CSMD1: variants seen among roughly 807,000 people sequenced by gnomAD.
CSMD1 encodes CUB and sushi domain-containing protein 1.
A neutral mutation model predicts 417.5 loss-of-function variants in CSMD1; 213 were observed. The observed-to-expected ratio is 0.51, with a 90% CI of 0.46 to 0.57. CSMD1 has a LOEUF of 0.57. Ranked by LOEUF, CSMD1 falls within the 20% of genes least tolerant of loss-of-function variation. The pLI is 0.00. For missense variants in CSMD1, 6,923 were observed against 4,529.7 expected (o/e 1.53, Z -15.17); for synonymous variants, 2,862 against 1,736.8 (o/e 1.65, Z -16.11).
intron 10 of CSMD1, among the ~76,000 whole-genome samples, chr8:3,504,383 T>A (rs1332121276): frequency 6.6e-6 from 1 of 152,196 alleles, no homozygotes; most frequent in African/African-American, 2.4e-5. Flanking sequence ...AAAATGAGAA[T>A]GATGCCGATT....
At chr8:3,297,529 G>A (rs552682553) in intron 25 of CSMD1, among the ~76,000 whole-genome samples, 51 of 152,194 alleles carry the variant, frequency 3.4e-4, no homozygotes, top group African/African-American at 7.7e-4. Context: ...TAGTTGTCTC[G>A]TTAATTACTA....
At chr8:4,060,639 G>T (rs182274366) in intron 3 of CSMD1, among the ~76,000 whole-genome samples, 6 of 152,290 alleles carry the variant, frequency 3.9e-5, no homozygotes, top group Admixed American at 2.0e-4. Flanking sequence ...ACTGGAGGAG[G>T]ATCTGCAAAG....
chr8:4,992,496 G>C (rs1396295326), intron 1 of CSMD1, among the ~76,000 whole-genome samples: 6 of 152,206 alleles, frequency 3.9e-5, no homozygotes, highest in Non-Finnish European at 8.8e-5. Context: ...AGGGCGGGAA[G>C]TTTTGCGGAG....
At chr8:4,592,946 G>C (rs1307999463) in intron 2 of CSMD1, among the ~76,000 whole-genome samples, 1 of 152,134 alleles carries the variant, frequency 6.6e-6, no homozygotes, top group African/African-American at 2.4e-5. Flanking sequence ...TGTGAGGTTT[G>C]CTGTAGTTTT....
intron 2 of CSMD1, among the ~76,000 whole-genome samples, chr8:4,634,627 G>C (rs1480665711): frequency 2.0e-5 from 3 of 152,140 alleles, no homozygotes; most frequent in Non-Finnish European, 2.9e-5. Flanking sequence ...TTGAATTCTA[G>C]AGCTGCCTTA....
chr8:4,408,638 C>G (rs939012450), intron 3 of CSMD1, among the ~76,000 whole-genome samples: 11 of 152,122 alleles, frequency 7.2e-5, no homozygotes, highest in Non-Finnish European at 1.3e-4. Flanking sequence ...CTATATGACA[C>G]CATTTCAAGT....
intron 3 of CSMD1, among the ~76,000 whole-genome samples, chr8:4,375,563 T>C (rs1802680333): frequency 6.6e-6 from 1 of 152,080 alleles, no homozygotes; most frequent in Non-Finnish European, 1.5e-5. Context: ...TTACTAACAT[T>C]AGCATTTCAA....
At chr8:4,316,814 A>G (rs551573154) in intron 3 of CSMD1, among the ~76,000 whole-genome samples, 8 of 152,270 alleles carry the variant, frequency 5.3e-5, no homozygotes, top group Admixed American at 3.9e-4. Context: ...CCTCAAAGTC[A>G]GCACTCGGTA....
At chr8:3,341,757 C>T (rs140169894) in intron 23 of CSMD1, among the ~76,000 whole-genome samples, 50 of 152,234 alleles carry the variant, frequency 3.3e-4, no homozygotes, top group African/African-American at 1.1e-3. Flanking sequence ...TGGAACTTCC[C>T]CGTAATTAGA....
intron 3 of CSMD1, among the ~76,000 whole-genome samples, chr8:4,050,370 G>T (rs566448219): frequency 6.6e-6 from 1 of 152,104 alleles, no homozygotes; most frequent in Admixed American, 6.5e-5. Context: ...CAAGAGCAGA[G>T]AATCTACAAA....
rs749133053 is a variant in CSMD1, at chr8:3,018,621, G to C, written c.7885C>G (p.Pro2629Ala). The part of the protein sequence containing the change: ...VISCGSLSFP[P>A]NGNKIGTLTV... ...AACGTTCCAATCTTGTTGCCATTTG[G>C]GGGAAAGGAAAGGCTTCCACACGAG... Residue 2629 changes from proline to alanine, a missense_variant, in exon 52 of 70, where the codon CCA (proline) becomes GCA (alanine). Transcript: ENST00000635120. 3 of 1,612,090 alleles carry C rather than the reference G, an allele frequency of 1.9e-6. No homozygotes were observed. Among genetic ancestry groups the C allele is most frequent in the African/African-American group, 1.3e-5 (1 of 74,720 alleles).
intron 2 of CSMD1, among the ~76,000 whole-genome samples, chr8:4,437,870 G>A (rs1034139002): frequency 2.0e-5 from 3 of 152,146 alleles, no homozygotes; most frequent in Non-Finnish European, 2.9e-5. Context: ...TGCCTCACTG[G>A]TGTAGAATTC....
chr8:3,720,131 T>A (rs187272481), intron 6 of CSMD1, among the ~76,000 whole-genome samples: 1 of 152,200 alleles, frequency 6.6e-6, no homozygotes, highest in Non-Finnish European at 1.5e-5. Context: ...TGCAACTCTT[T>A]ATTCAGCTTT....
At chr8:4,923,315 C>T (rs887942961) in intron 1 of CSMD1, among the ~76,000 whole-genome samples, 5 of 152,132 alleles carry the variant, frequency 3.3e-5, no homozygotes, top group Admixed American at 1.3e-4. Context: ...TTGATGCTTT[C>T]GTATTGGTTA....
chr8:4,667,426 C>A (rs1166652417), intron 1 of CSMD1, among the ~76,000 whole-genome samples: 2 of 149,808 alleles, frequency 1.3e-5, no homozygotes, highest in South Asian at 4.2e-4. Flanking sequence ...GCATTGAATC[C>A]AGAGAACAAT....
chr8:4,234,902 T>C (rs1267323918), intron 3 of CSMD1, among the ~76,000 whole-genome samples: 5 of 152,138 alleles, frequency 3.3e-5, no homozygotes, highest in Admixed American at 6.5e-5. Context: ...AAAACAGAAA[T>C]AGACCTCTGT....
intron 5 of CSMD1, among the ~76,000 whole-genome samples, chr8:3,859,314 G>A (rs1031038647): frequency 3.3e-5 from 5 of 152,090 alleles, no homozygotes; most frequent in Admixed American, 2.0e-4. Flanking sequence ...ACCTACATTC[G>A]CTCGGCCTAT....
chr8:2,941,633 T>C (rs531009251), intron 69 of CSMD1, among the ~76,000 whole-genome samples: 12 of 152,268 alleles, frequency 7.9e-5, no homozygotes, highest in Non-Finnish European at 1.5e-4. Flanking sequence ...TCTGGTTCAC[T>C]AAAGTTGTTT....
At chr8:4,624,025 G>C (rs1397655370) in intron 2 of CSMD1, among the ~76,000 whole-genome samples, 1 of 151,988 alleles carries the variant, frequency 6.6e-6, no homozygotes, top group South Asian at 2.1e-4. Context: ...GTAACTAAAG[G>C]ACTCATTCAT....
Sources: gnomAD v4.1 joint callset for allele counts (sites outside exome capture counted in the v4.1 genomes callset) on GRCh38, gnomAD v4.1.1 for gene constraint, MANE v1.5 for transcripts, NCBI Gene and HGNC (gene_info 2026-07-23, HGNC 2026-07-21) for gene names.